NCOR1: variants seen among roughly 807,000 people sequenced by gnomAD.
The protein encoded by NCOR1 is protein phosphatase 1, regulatory subunit 109.
NCOR1 carries 63 observed loss-of-function variants against 288.1 expected under a neutral mutation model. The ratio of observed to expected loss-of-function variants is 0.22; its 90% CI spans 0.18 to 0.27. The LOEUF (loss-of-function observed/expected upper bound fraction) is 0.27. NCOR1 is among the 10% of genes least tolerant of loss of function. The probability of loss-of-function intolerance (pLI) is 1.00; values close to 1 mark genes in which losing one functional copy is unlikely to be tolerated. For synonymous variants in NCOR1, 1,007 were observed against 1,065.9 expected, an observed-to-expected ratio of 0.94 and a Z score of 1.08; for missense variants, 2,397 against 3,019.2, an observed-to-expected ratio of 0.79 and a Z score of 4.83.
chr17:16,135,977 G>T (rs2076338230), intron 14 of NCOR1, among the ~76,000 whole-genome samples: 1 of 152,170 alleles, frequency 6.6e-6, no homozygotes, highest in Non-Finnish European at 1.5e-5. Context: ...AGTCCTTATT[G>T]TAATATCTAT....
rs538549486 is a variant in NCOR1, at chr17:16,127,287, A to C, written c.1510-1081T>G. Among the ~76,000 whole-genome samples, 4 of 124,034 alleles carry C rather than the reference A, an allele frequency of 3.2e-5. 1 individual carries two copies. The highest frequency in any genetic ancestry group is 6.5e-5 in the Non-Finnish European group (4 of 61,924). 81.4% of individuals were successfully genotyped at this position (124,034 alleles called of 152,430 possible). A position where few individuals can be genotyped will look rare whatever the true frequency, so the allele number is the denominator to read the frequency against. On this transcript the variant is annotated intron_variant, in intron 14 of 45. Coordinates refer to ENST00000268712, the MANE Select transcript of NCOR1 (RefSeq NM_006311.4). ...TATATATGTATGTATATATACGTGT[A>C]TATATGTATGTATGTATATATACAT...
intron 5 of NCOR1, among the ~76,000 whole-genome samples, chr17:16,161,611 C>T (rs1231879142): frequency 1.3e-5 from 2 of 152,020 alleles, no homozygotes; most frequent in Non-Finnish European, 2.9e-5. Context: ...TGTTCTTTTA[C>T]ATTAACTTTA....
At position 16,058,743 on chromosome 17, in the gene NCOR1, A is replaced by G. The variant is rs1598000297; in HGVS notation, c.5882-144T>C. 3.5e-6 allele frequency: 3 copies of G among 847,068 alleles called. No homozygotes were observed. In the East Asian group the frequency reaches 8.2e-5, roughly 23 times the overall value. 52.5% of individuals were successfully genotyped at this position (847,068 alleles called of 1,614,324 possible). On this transcript the variant is annotated intron_variant, in intron 37 of 45. Transcript: ENST00000268712. ...GTTAATGAGGGTTTTCTGAAGTTTTATGGGCTTTAAGACATGTTTTAGGCT... is the reference window on the plus strand; with the variant it reads ...GTTAATGAGGGTTTTCTGAAGTTTTGTGGGCTTTAAGACATGTTTTAGGCT...
intron 18 of NCOR1, among the ~76,000 whole-genome samples, chr17:16,113,296 CT>C (rs1488157517): frequency 6.6e-6 from 1 of 151,966 alleles, no homozygotes; most frequent in Admixed American, 6.6e-5. Context: ...CAACCTTCCC[CT>C]TTTGGAAATC....
chr17:16,214,911 C>G (rs1036305441), intron 1 of NCOR1, among the ~76,000 whole-genome samples: 1 of 152,238 alleles, frequency 6.6e-6, no homozygotes, highest in Non-Finnish European at 1.5e-5. Context: ...TTACTCTGCA[C>G]GCACTTGTCC....
intron 9 of NCOR1, among the ~76,000 whole-genome samples, chr17:16,147,175 C>G (rs1476682250): frequency 6.6e-6 from 1 of 152,148 alleles, no homozygotes; most frequent in Non-Finnish European, 1.5e-5. Flanking sequence ...CTTTGGGAGG[C>G]CAAGGCAGGT....
At position 16,065,874 on chromosome 17, in the gene NCOR1, T is replaced by C. The variant is rs189422742; in HGVS notation, c.4742-180A>G. ...GACCTTGATGTATTAGCAATAGCAA[T>C]TCTAATGTCTAAGATGTAATGGAAA... On this transcript the variant is annotated intron_variant, in intron 32 of 45. Coordinates refer to ENST00000268712, the MANE Select transcript of NCOR1 (RefSeq NM_006311.4). 1.2e-4 allele frequency: 75 copies of C among 603,078 alleles called. 1 individual carries two copies. The highest frequency in any genetic ancestry group is 8.9e-4 in the East Asian group (32 of 35,864). The allele number at this position is 603,078 out of a possible 1,614,324, so 37.4% of individuals were successfully genotyped here.
At chr17:16,055,418 G>A (rs138111521) in intron 40 of NCOR1, among the ~76,000 whole-genome samples, 6 of 152,286 alleles carry the variant, frequency 3.9e-5, no homozygotes, top group Non-Finnish European at 7.4e-5. Flanking sequence ...GCAAACTAAC[G>A]CAAGAACAGA....
intron 36 of NCOR1, 69 bp downstream of exon 36, chr17:16,062,036 T>C (rs755756108): frequency 1.2e-5 from 19 of 1,593,112 alleles, no homozygotes; most frequent in South Asian, 2.3e-5. Flanking sequence ...ACTTAGACTA[T>C]TGCAGTCACA....
intron 32 of NCOR1, among the ~76,000 whole-genome samples, chr17:16,066,938 T>C (rs920819636): frequency 1.3e-5 from 2 of 152,252 alleles, no homozygotes; most frequent in African/African-American, 4.8e-5. Flanking sequence ...AGGATACTTA[T>C]TAAGCAAAGA....
At chr17:16,052,829 C>T (rs1182629095) in intron 40 of NCOR1, among the ~76,000 whole-genome samples, 1 of 152,158 alleles carries the variant, frequency 6.6e-6, no homozygotes, top group African/African-American at 2.4e-5. Context: ...CCTTGATGAA[C>T]ATGAATGCAA....
intron 1 of NCOR1, among the ~76,000 whole-genome samples, chr17:16,200,245 T>C (rs2153579821): frequency 6.6e-6 from 1 of 152,012 alleles, no homozygotes; most frequent in South Asian, 2.1e-4. Context: ...CCCAGCACTT[T>C]GGGAAGCCAA....
Position 16,138,728 on chromosome 17 carries a change from G to T in NCOR1, c.1352+280C>A, listed in dbSNP as rs143720630. Among the ~76,000 whole-genome samples the T allele has an allele frequency of 9.1e-4, 139 of 152,300 alleles. 1 individual carries two copies. The highest frequency in any genetic ancestry group is 3.3e-3 in the African/African-American group (137 of 41,572). On this transcript the variant is annotated intron_variant, in intron 12 of 45. Coordinates refer to ENST00000268712, the MANE Select transcript of NCOR1 (RefSeq NM_006311.4). ...AATGATTAGTCTACGGTAATACATAGAAATCTGTACTTTATAAAAGCTCCC... is the reference window on the plus strand; with the variant it reads ...AATGATTAGTCTACGGTAATACATATAAATCTGTACTTTATAAAAGCTCCC...
At chr17:16,210,158 A>T (rs913847544) in intron 1 of NCOR1, among the ~76,000 whole-genome samples, 1 of 151,922 alleles carries the variant, frequency 6.6e-6, no homozygotes, top group African/African-American at 2.4e-5. Flanking sequence ...CTGAGGCGGG[A>T]GGATCACCTG....
At chr17:16,036,928 C>G (rs930222776) in intron 44 of NCOR1, among the ~76,000 whole-genome samples, 1 of 152,190 alleles carries the variant, frequency 6.6e-6, no homozygotes, top group African/African-American at 2.4e-5. Flanking sequence ...ATTTGGCTAA[C>G]TGTTTGGCAC....
chr17:16,077,361 C>T (rs1319990026), intron 26 of NCOR1, among the ~76,000 whole-genome samples: 1 of 150,162 alleles, frequency 6.7e-6, no homozygotes, highest in South Asian at 2.1e-4. Flanking sequence ...GGCACCACTG[C>T]ACTCCATGCT....
At chr17:16,172,946 C>CA (rs2083394129) in intron 3 of NCOR1, among the ~76,000 whole-genome samples, 1 of 152,042 alleles carries the variant, frequency 6.6e-6, no homozygotes, top group Non-Finnish European at 1.5e-5. Flanking sequence ...ATGCTAAATT[C>CA]TTTTTTTGTT....
chr17:16,095,185 G>C (rs551953289), intron 21 of NCOR1, among the ~76,000 whole-genome samples: 1 of 148,330 alleles, frequency 6.7e-6, no homozygotes, highest in Non-Finnish European at 1.5e-5. Flanking sequence ...GCCGCCCATC[G>C]TCTGAGATGT....
chr17:16,072,192 T>C lies in NCOR1; in HGVS notation c.3848A>G (p.His1283Arg). The change falls in exon 29 of 46, where the codon CAT becomes CGT. Residue 1283 changes from histidine (H) to arginine (R), a missense_variant. Coordinates refer to ENST00000268712, the MANE Select transcript of NCOR1 (RefSeq NM_006311.4). ...TACAGTCCTTTCTTTGAGGTCAGAATGAGGACTCCCCCTGGGTAATGCTCG... is the reference window on the plus strand; with the variant it reads ...TACAGTCCTTTCTTTGAGGTCAGAACGAGGACTCCCCCTGGGTAATGCTCG... ...ICRALPRGSP[H>R]SDLKERTVLS... 6.2e-7 allele frequency: 1 copy of C among 1,613,024 alleles called. No individual in the cohort carries two copies. Among genetic ancestry groups the C allele is most frequent in the South Asian group, 1.1e-5 (1 of 90,888 alleles).
Sources: allele counts gnomAD v4.1 joint callset (sites outside exome capture counted in the v4.1 genomes callset), GRCh38; gene constraint gnomAD v4.1.1; transcripts MANE v1.5; gene names NCBI Gene and HGNC (gene_info 2026-07-23, HGNC 2026-07-21).